The following ASAP1 variants were observed in gnomAD, a reference collection of about 807,000 sequenced individuals.
The protein encoded by ASAP1 is ArfGAP with SH3 domain, ankyrin repeat and PH domain 1.
ASAP1 carries 43 observed loss-of-function variants against 145.2 expected under a neutral mutation model. The ratio of observed to expected loss-of-function variants is 0.30; its 90% confidence interval spans 0.23 to 0.38. The LOEUF (loss-of-function observed/expected upper bound fraction) is 0.38, where lower values mean the gene tolerates loss of function less well. Ranked by LOEUF, ASAP1 falls within the 10% of genes least tolerant of loss-of-function variation. The pLI is 1.00. For synonymous variants in ASAP1, 546 were observed against 515.5 expected (o/e 1.06, Z -0.80); for missense variants, 1,018 against 1,355.3 (o/e 0.75, Z 3.91).
At position 130,195,180 on chromosome 8, in the gene ASAP1, A is replaced by C. The variant is rs183166894; in HGVS notation, c.406-6997T>G. 6.4e-4 allele frequency: 98 copies of C among 152,266 alleles called. No homozygotes were observed. In the East Asian group the frequency reaches 0.013, roughly 21 times the overall value. The allele number at this position is 152,266 out of a possible 1,614,324, so 9.4% of individuals were successfully genotyped here. On this transcript the variant is annotated intron_variant, in intron 5 of 29. Transcript: ENST00000518721. Reference sequence around the variant, plus strand: ...CTTTACATGATTCAAGTCTATAAGAAGTCGAAGGGTATGTTTTTTAAAGTG... The same window carrying C: ...CTTTACATGATTCAAGTCTATAAGACGTCGAAGGGTATGTTTTTTAAAGTG...
chr8:130,442,214 C>G (rs1201784946), intron 1 of ASAP1, among the ~76,000 whole-genome samples: 2 of 152,128 alleles, frequency 1.3e-5, no homozygotes, highest in Non-Finnish European at 2.9e-5. Flanking sequence ...GAAGACGTTT[C>G]CAAATCTGTT....
Position 130,072,825 on chromosome 8 carries a change from G to GTGCGTGTGCGCACGCGCGCGCA in ASAP1, c.2701+3522_2701+3523insTGCGCGCGCGTGCGCACACGCA. Among the ~76,000 whole-genome samples, 17 of 54,116 alleles carry GTGCGTGTGCGCACGCGCGCGCA rather than the reference G, an allele frequency of 3.1e-4. 1 individual carries two copies. The East Asian group carries it at 5.2e-3, about 17-fold the overall frequency. 35.5% of individuals were successfully genotyped at this position (54,116 alleles called of 152,430 possible). A position where few individuals can be genotyped will look rare whatever the true frequency, so the allele number is the denominator to read the frequency against. Reference sequence around the variant, plus strand: ...TGTGTGTGTGTGTGTGTGTGTGTGTGCGCGCGGGGGGGGGCAGTTTTGGGG... The same window carrying GTGCGTGTGCGCACGCGCGCGCA: ...TGTGTGTGTGTGTGTGTGTGTGTGTGTGCGTGTGCGCACGCGCGCGCACGCGCGGGGGGGGGCAGTTTTGGGG... On this transcript the variant is annotated intron_variant, in intron 27 of 29. Coordinates refer to ENST00000518721, the MANE Select transcript of ASAP1 (RefSeq NM_018482.4).
chr8:130,067,297 A>G (rs2097432780), intron 27 of ASAP1, among the ~76,000 whole-genome samples: 1 of 152,164 alleles, frequency 6.6e-6, no homozygotes, highest in Non-Finnish European at 1.5e-5. Context: ...ATCTACATGT[A>G]GTTTAGTGTG....
At chr8:130,334,548 T>TTC (rs1430626172) in intron 3 of ASAP1, among the ~76,000 whole-genome samples, 1 of 152,256 alleles carries the variant, frequency 6.6e-6, no homozygotes, top group Admixed American at 6.5e-5. Flanking sequence ...CATATTATTC[T>TTC]ACAGTTCTTC....
intron 2 of ASAP1, among the ~76,000 whole-genome samples, chr8:130,384,072 T>C (rs73425525): frequency 0.084 from 12,712 of 152,222 alleles, 670 homozygotes; most frequent in African/African-American, 0.14. Context: ...CAGAGTCCTG[T>C]AGGATTAAAT....
rs373969153 is a variant in ASAP1, at chr8:130,216,015, GAA to G, written c.260-1316_260-1315del. On this transcript the variant is annotated intron_variant, in intron 4 of 29. Transcript: ENST00000518721. ...GAAAGGAAAGGAAAGGAAAGGAAAG[GAA>G]AAAGGAAAGGAAAGGAAAAAGGAAA... Among the ~76,000 whole-genome samples, 413 of 127,134 alleles carry G rather than the reference GAA, an allele frequency of 3.2e-3. 1 individual carries two copies. Among genetic ancestry groups the G allele is most frequent in the African/African-American group, 0.012 (385 of 32,242 alleles). The allele number at this position is 127,134 out of a possible 152,430, so 83.4% of individuals were successfully genotyped here.
intron 27 of ASAP1, among the ~76,000 whole-genome samples, chr8:130,074,636 G>A (rs764527571): frequency 5.9e-5 from 9 of 152,286 alleles, no homozygotes; most frequent in East Asian, 1.9e-4. Context: ...GTCTGTCCCC[G>A]AGGGGGTGGG....
At chr8:130,342,103 G>T (rs1189339982) in intron 3 of ASAP1, among the ~76,000 whole-genome samples, 1 of 152,148 alleles carries the variant, frequency 6.6e-6, no homozygotes, top group Non-Finnish European at 1.5e-5. Context: ...GAAAGTGTCG[G>T]TCCTGAGCCA....
chr8:130,320,215 A>G (rs963428193), intron 3 of ASAP1, among the ~76,000 whole-genome samples: 3 of 152,234 alleles, frequency 2.0e-5, no homozygotes, highest in South Asian at 4.1e-4. Flanking sequence ...CCAAAATGGA[A>G]TATCAATGAG....
At chr8:130,359,334 C>T (rs1211608503) in intron 2 of ASAP1, among the ~76,000 whole-genome samples, 1 of 152,174 alleles carries the variant, frequency 6.6e-6, no homozygotes, top group Non-Finnish European at 1.5e-5. Context: ...CCACCTCACT[C>T]CTCGGCCTTG....
intron 2 of ASAP1, among the ~76,000 whole-genome samples, chr8:130,388,200 C>G (rs761193126): frequency 3.9e-5 from 6 of 152,126 alleles, no homozygotes; most frequent in Non-Finnish European, 7.4e-5. Context: ...AGGAACAGAA[C>G]GGAGGCCAAT....
intron 3 of ASAP1, among the ~76,000 whole-genome samples, chr8:130,354,239 G>C (rs1331186810): frequency 6.6e-6 from 1 of 152,076 alleles, no homozygotes; most frequent in Non-Finnish European, 1.5e-5. Flanking sequence ...CTTGACCTTA[G>C]AGAGAAATCA....
At chr8:130,337,670 C>G (rs776556459) in intron 3 of ASAP1, among the ~76,000 whole-genome samples, 1 of 152,160 alleles carries the variant, frequency 6.6e-6, no homozygotes, top group Admixed American at 6.5e-5. Context: ...AAACCTCATC[C>G]ACAACTTCTC....
At chr8:130,335,145 A>G (rs1370723691) in intron 3 of ASAP1, among the ~76,000 whole-genome samples, 1 of 152,126 alleles carries the variant, frequency 6.6e-6, no homozygotes. Context: ...TTCCTTCCCT[A>G]CCACAAGCAC....
rs1419711957 is a variant in ASAP1 at position 130,052,700 on chromosome 8, T to C, written c.*2031A>G. 1 of 150,772 alleles carries C rather than the reference T, an allele frequency of 6.6e-6. No individual in the cohort carries two copies. The highest frequency in any genetic ancestry group is 1.5e-5 in the Non-Finnish European group (1 of 67,796). The allele number at this position is 150,772 out of a possible 1,614,324, so 9.3% of individuals were successfully genotyped here. ...AATAGACACTAACTCCATGTAATTT[T>C]AGACATGCAGCTTTTGTGTTTTTTT... is the stretch of plus-strand genomic sequence containing the variant. On this transcript the variant is annotated 3_prime_UTR_variant, in exon 30 of 30. Transcript: ENST00000518721.
intron 3 of ASAP1, among the ~76,000 whole-genome samples, chr8:130,253,406 T>C (rs1017308075): frequency 2.6e-5 from 4 of 152,220 alleles, no homozygotes; most frequent in African/African-American, 7.2e-5. Context: ...AATTTGCAGA[T>C]GCATACGCTT....
chr8:130,093,788 TA>T (rs5895037), intron 24 of ASAP1, among the ~76,000 whole-genome samples: 9 of 149,528 alleles, frequency 6.0e-5, no homozygotes, highest in Admixed American at 6.7e-5. Context: ...CTCTTCATAT[TA>T]AAAAAAAAAG....
intron 23 of ASAP1, among the ~76,000 whole-genome samples, chr8:130,112,938 T>C (rs968923049): frequency 2.0e-5 from 3 of 152,184 alleles, no homozygotes; most frequent in African/African-American, 7.2e-5. Context: ...AACCTCAGTG[T>C]CACCTGGAGT....
At chr8:130,242,271 A>AAC (rs1300557236) in intron 3 of ASAP1, among the ~76,000 whole-genome samples, 1 of 150,086 alleles carries the variant, frequency 6.7e-6, no homozygotes, top group African/African-American at 2.5e-5. Flanking sequence ...TAAAAAAAAA[A>AAC]AAAAAAAAAA....
Sources: gnomAD v4.1 joint callset for allele counts (sites outside exome capture counted in the v4.1 genomes callset) on GRCh38, gnomAD v4.1.1 for gene constraint, MANE v1.5 for transcripts, NCBI Gene and HGNC (gene_info 2026-07-23, HGNC 2026-07-21) for gene names.